Variants in RCAN1 observed in about 807,000 individuals in gnomAD.
RCAN1 encodes the protein calcipressin-1.
Under a neutral mutation model 22.9 loss-of-function variants are expected in RCAN1, and 11 were observed. That is an observed-to-expected ratio of 0.48 (90% CI 0.30 to 0.79). The LOEUF (loss-of-function observed/expected upper bound fraction) is 0.79. Among genes scored for constraint, RCAN1 ranks in the 30% least tolerant of loss-of-function variants. The probability of loss-of-function intolerance (pLI) is 0.06; values close to 1 mark genes in which losing one functional copy is unlikely to be tolerated. For synonymous variants in RCAN1, 136 were observed against 142.3 expected (o/e 0.96, Z 0.32); for missense variants, 291 against 337.8 (o/e 0.86, Z 1.09).
At chr21:34,605,771 T>C (rs1988504367) in intron 1 of RCAN1, among the ~76,000 whole-genome samples, 1 of 151,400 alleles carries the variant, frequency 6.6e-6, no homozygotes, top group South Asian at 2.1e-4. Context: ...AATACAAAAA[T>C]TAGCCGGGCG....
intron 1 of RCAN1, among the ~76,000 whole-genome samples, chr21:34,570,529 C>T (rs1299871274): frequency 6.6e-6 from 1 of 152,202 alleles, no homozygotes; most frequent in African/African-American, 2.4e-5. Context: ...CACTGAAACA[C>T]GTGGAGCATG....
chr21:34,523,469 T>C (rs1984756484), intron 2 of RCAN1, 68 bp downstream of exon 2: 1 of 1,521,738 alleles, frequency 6.6e-7, no homozygotes, highest in African/African-American at 1.4e-5. Flanking sequence ...ATAAGCAACG[T>C]ATAAGCTGCT....
chr21:34,588,379 C>A (rs1175443071), intron 1 of RCAN1, among the ~76,000 whole-genome samples: 1 of 152,094 alleles, frequency 6.6e-6, no homozygotes, highest in Non-Finnish European at 1.5e-5. Context: ...ATTTCTTGAC[C>A]TGATATGGGT....
At chr21:34,592,576 T>C (rs1988009734) in intron 1 of RCAN1, among the ~76,000 whole-genome samples, 1 of 152,142 alleles carries the variant, frequency 6.6e-6, no homozygotes, top group African/African-American at 2.4e-5. Context: ...CCTCCTTCCC[T>C]GAGGCCCCCT....
chr21:34,541,689 C>T (rs935880188), intron 1 of RCAN1, among the ~76,000 whole-genome samples: 1 of 152,210 alleles, frequency 6.6e-6, no homozygotes, highest in African/African-American at 2.4e-5. Context: ...AATGCCAGCA[C>T]TTTGGGAGGC....
chr21:34,577,389 G>A (rs1019055828), intron 1 of RCAN1, among the ~76,000 whole-genome samples: 1 of 152,120 alleles, frequency 6.6e-6, no homozygotes, highest in African/African-American at 2.4e-5. Context: ...TTTGAGCCCA[G>A]GAGTTTGAGA....
rs771689837 is a variant in RCAN1, at chr21:34,518,236, C to T, written c.607G>A (p.Ala203Thr). The T allele has an allele frequency of 5.6e-6, 9 of 1,614,144 alleles. No homozygotes were observed. Among genetic ancestry groups the T allele is most frequent in the Non-Finnish European group, 7.6e-6 (9 of 1,180,006 alleles). The change falls in exon 4 of 4, where the codon GCA (alanine) becomes ACA (threonine). Residue 203 changes from alanine to threonine, a missense_variant. Transcript: ENST00000313806. This position sits in a 1 kb window ranked among gnomAD's most constrained non-coding sequence, Gnocchi z 4.2. ...ACGCTGGGAGTGGTGTCAGTCGCTG[C>T]GTGCAATTCATACTTTTCCCCTAAG... is the stretch of plus-strand genomic sequence containing the variant. ...LGPGEKYELH[A>T]ATDTTPSVVV...
chr21:34,528,601 G>T (rs1221026487), intron 1 of RCAN1, among the ~76,000 whole-genome samples: 1 of 152,180 alleles, frequency 6.6e-6, no homozygotes, highest in African/African-American at 2.4e-5. Flanking sequence ...GTGGTGGTGG[G>T]CAGGAGAGGC....
At chr21:34,587,948 C>A (rs1490798155) in intron 1 of RCAN1, among the ~76,000 whole-genome samples, 1 of 152,164 alleles carries the variant, frequency 6.6e-6, no homozygotes, top group African/African-American at 2.4e-5. Context: ...GACTAGCCTA[C>A]CCCAAGAAAG....
At chr21:34,526,565 C>T (rs2123591994) in intron 1 of RCAN1, 1 of 1,267,882 alleles carries the variant, frequency 7.9e-7, no homozygotes, top group Non-Finnish European at 1.1e-6. Flanking sequence ...CCCCCAAACC[C>T]ACAAGAGAGC....
chr21:34,611,500 G>GA (rs1988686858), intron 1 of RCAN1, among the ~76,000 whole-genome samples: 1 of 152,116 alleles, frequency 6.6e-6, no homozygotes, highest in Admixed American at 6.5e-5. Flanking sequence ...TTCTAGTTCA[G>GA]GTTAATTTTT....
rs979706546 is a variant in RCAN1 at position 34,546,388 on chromosome 21, T to C, written c.253-22678A>G. Among the ~76,000 whole-genome samples the C allele has an allele frequency of 4.0e-5, 6 of 151,758 alleles. No homozygotes were observed. The East Asian group carries it at 9.6e-4, about 24-fold the overall frequency. ...TTACTTATTAGTTTTTTTTTTTTTT[T>C]AGAAATGTAAAAACTATTTTCTTTG... On this transcript the variant is annotated intron_variant, in intron 1 of 3. Transcript: ENST00000313806.
chr21:34,529,682 G>T (rs1166953559), intron 1 of RCAN1, among the ~76,000 whole-genome samples: 1 of 152,200 alleles, frequency 6.6e-6, no homozygotes, highest in Non-Finnish European at 1.5e-5. Flanking sequence ...GTATATTCCT[G>T]ATTCTTGCTT....
At chr21:34,578,312 C>T (rs182643095) in intron 1 of RCAN1, among the ~76,000 whole-genome samples, 12 of 152,248 alleles carry the variant, frequency 7.9e-5, no homozygotes, top group Admixed American at 6.5e-4. Flanking sequence ...AAATGAGTTC[C>T]GTGAATAGAC....
At chr21:34,556,097 T>TAAATAAATA (rs1192082438) in intron 1 of RCAN1, among the ~76,000 whole-genome samples, 4 of 52,146 alleles carry the variant, frequency 7.7e-5, no homozygotes, top group Non-Finnish European at 1.1e-4. Flanking sequence ...AATAAATAAA[T>TAAATAAATA]AATTAAAGGC....
At chr21:34,533,620 G>A (rs76763681) in intron 1 of RCAN1, among the ~76,000 whole-genome samples, 6 of 152,090 alleles carry the variant, frequency 3.9e-5, no homozygotes, top group Non-Finnish European at 5.9e-5. Context: ...AAAACTCCCC[G>A]CCCTCTTGGA....
At chr21:34,601,807 G>C (rs1378641820) in intron 1 of RCAN1, among the ~76,000 whole-genome samples, 1 of 132,338 alleles carries the variant, frequency 7.6e-6, no homozygotes, top group East Asian at 2.4e-4. Flanking sequence ...AACAGAGTGA[G>C]ACTCTGTCTC....
intron 1 of RCAN1, among the ~76,000 whole-genome samples, chr21:34,528,262 AT>A (rs1985184757): frequency 6.6e-6 from 1 of 152,248 alleles, no homozygotes; most frequent in Non-Finnish European, 1.5e-5. Context: ...AAAGCAGGGC[AT>A]TTAGCCTTCC....
chr21:34,521,127 C>T (rs1016861426), intron 3 of RCAN1: 47 of 1,261,610 alleles, frequency 3.7e-5, no homozygotes, highest in Middle Eastern at 3.0e-4. Flanking sequence ...AAGGGGGCAT[C>T]GATTTTCCCT....
Sources: allele counts gnomAD v4.1 joint callset (sites outside exome capture counted in the v4.1 genomes callset), GRCh38; gene constraint gnomAD v4.1.1; non-coding constraint Gnocchi (gnomAD v3.1); transcripts MANE v1.5; gene names NCBI Gene and HGNC (gene_info 2026-07-23, HGNC 2026-07-21).